Variants in LRFN2 observed in about 807,000 individuals in gnomAD.
The protein encoded by LRFN2 is leucine-rich repeat and fibronectin type-III domain-containing protein 2.
In LRFN2, 18 loss-of-function variants were observed where a neutral mutation model predicts 37.3. The observed-to-expected ratio is 0.48, with a 90% CI of 0.33 to 0.72. The LOEUF (loss-of-function observed/expected upper bound fraction) is 0.72. Among genes scored for constraint, LRFN2 ranks in the 30% least tolerant of loss-of-function variants. LRFN2 has a pLI of 0.02. For synonymous variants in LRFN2, 556 were observed against 466.6 expected (o/e 1.19, Z -2.47); for missense variants, 1,006 against 1,060.7 (o/e 0.95, Z 0.72).
At chr6:40,481,921 T>G (rs1372352236) in intron 1 of LRFN2, among the ~76,000 whole-genome samples, 3 of 152,220 alleles carry the variant, frequency 2.0e-5, no homozygotes, top group Non-Finnish European at 4.4e-5. Context: ...CTGTTCTAAG[T>G]GCTTTACATA....
intron 2 of LRFN2, among the ~76,000 whole-genome samples, chr6:40,393,555 A>C (rs1053044590): frequency 6.6e-6 from 1 of 152,092 alleles, no homozygotes; most frequent in East Asian, 1.9e-4. Context: ...ACAGAGAGGC[A>C]GAGAGGTTAA....
chr6:40,434,538 G>T (rs1051138584), intron 1 of LRFN2, among the ~76,000 whole-genome samples: 1 of 150,456 alleles, frequency 6.6e-6, no homozygotes, highest in South Asian at 2.1e-4. Context: ...GCGCAGTGGC[G>T]CAATCTTGGC....
At chr6:40,456,045 G>A (rs370488190) in intron 1 of LRFN2, among the ~76,000 whole-genome samples, 4 of 152,048 alleles carry the variant, frequency 2.6e-5, no homozygotes, top group African/African-American at 7.2e-5. Flanking sequence ...CTAGGAAGAA[G>A]GAGAGACCCG....
At chr6:40,563,713 A>G (rs1274273508) in intron 1 of LRFN2, among the ~76,000 whole-genome samples, 1 of 152,190 alleles carries the variant, frequency 6.6e-6, no homozygotes, top group African/African-American at 2.4e-5. Flanking sequence ...AAACAAGAAT[A>G]GAAATCAAGG....
At chr6:40,519,301 C>T (rs1162356621) in intron 1 of LRFN2, among the ~76,000 whole-genome samples, 1 of 152,180 alleles carries the variant, frequency 6.6e-6, no homozygotes, top group African/African-American at 2.4e-5. Context: ...AATGACTGGT[C>T]TATATTGATA....
At chr6:40,540,251 C>G (rs1766528041) in intron 1 of LRFN2, among the ~76,000 whole-genome samples, 1 of 152,210 alleles carries the variant, frequency 6.6e-6, no homozygotes. Context: ...AGAACAGGCC[C>G]TAGCACTGTT....
At chr6:40,505,436 C>T (rs976183906) in intron 1 of LRFN2, among the ~76,000 whole-genome samples, 1 of 152,172 alleles carries the variant, frequency 6.6e-6, no homozygotes, top group Non-Finnish European at 1.5e-5. Flanking sequence ...CGCTCCATGA[C>T]GCAGGTTTCT....
chr6:40,430,516 G>A (rs919339272), intron 2 of LRFN2, among the ~76,000 whole-genome samples: 1 of 152,214 alleles, frequency 6.6e-6, no homozygotes, highest in Non-Finnish European at 1.5e-5. Context: ...TACATTCCTT[G>A]AGCGGTAAGG....
At chr6:40,490,192 C>T (rs1765056577) in intron 1 of LRFN2, among the ~76,000 whole-genome samples, 1 of 152,234 alleles carries the variant, frequency 6.6e-6, no homozygotes, top group Admixed American at 6.5e-5. Flanking sequence ...CCAACTAATC[C>T]ACGTTTGCCT....
chr6:40,466,965 T>A (rs897211793), intron 1 of LRFN2, among the ~76,000 whole-genome samples: 1 of 151,938 alleles, frequency 6.6e-6, no homozygotes, highest in African/African-American at 2.4e-5. Flanking sequence ...GGAAAAATCA[T>A]GGGAAGACAG....
Position 40,395,771 on chromosome 6 carries a change from C to G in LRFN2, c.1401-2859G>C, listed in dbSNP as rs569752290. Among the ~76,000 whole-genome samples the G allele has an allele frequency of 3.3e-5, 5 of 152,316 alleles. No homozygotes were observed. The South Asian group carries it at 1.0e-3, about 32-fold the overall frequency. ...GAAACAGAGGTGCAGAAGTGTTATG[C>G]AAAGATAACATGGCAGAGCTGGGAT... On this transcript the variant is annotated intron_variant, in intron 2 of 2. Transcript: ENST00000338305.
At chr6:40,568,603 C>T (rs1561910914) in intron 1 of LRFN2, among the ~76,000 whole-genome samples, 1 of 152,204 alleles carries the variant, frequency 6.6e-6, no homozygotes, top group Non-Finnish European at 1.5e-5. Context: ...AAATTAAAGC[C>T]TACTGTATCC....
chr6:40,433,280 C>T, intron 1 of LRFN2, 149 bp from the exon 2 acceptor site: 1 of 559,950 alleles, frequency 1.8e-6, no homozygotes, highest in South Asian at 4.0e-5. Context: ...TCCATGAATC[C>T]CTCTAATGCA....
chr6:40,515,837 G>T (rs1643101093), intron 1 of LRFN2, among the ~76,000 whole-genome samples: 1 of 146,976 alleles, frequency 6.8e-6, no homozygotes, highest in African/African-American at 2.5e-5. Flanking sequence ...AGGTTGCAGT[G>T]AGCCGAGATC....
chr6:40,585,765 T>TC (rs1285615258), intron 1 of LRFN2, among the ~76,000 whole-genome samples: 1 of 151,288 alleles, frequency 6.6e-6, no homozygotes, highest in East Asian at 1.9e-4. Flanking sequence ...AGCTTCCCCC[T>TC]CCCCCAGTAC....
intron 1 of LRFN2, among the ~76,000 whole-genome samples, chr6:40,464,854 C>T (rs1053734206): frequency 2.6e-5 from 4 of 151,912 alleles, no homozygotes; most frequent in Non-Finnish European, 5.9e-5. Flanking sequence ...TAGGATGACT[C>T]TCAGGTGTAA....
At chr6:40,585,505 G>C (rs866509025) in intron 1 of LRFN2, among the ~76,000 whole-genome samples, 32 of 152,202 alleles carry the variant, frequency 2.1e-4, no homozygotes, top group Middle Eastern at 3.4e-3. Context: ...ACAAGGAAAT[G>C]ACACTACCCT....
At chr6:40,511,339 C>T (rs1765704151) in intron 1 of LRFN2, among the ~76,000 whole-genome samples, 1 of 152,244 alleles carries the variant, frequency 6.6e-6, no homozygotes, top group South Asian at 2.1e-4. Flanking sequence ...TTTTTTGTAT[C>T]CCTAAGAAAG....
In LRFN2 at chr6:40,539,737, T is replaced by C. The variant is rs1301111694; in HGVS notation, c.-19+47204A>G. On this transcript the variant is annotated intron_variant, in intron 1 of 2. Coordinates refer to ENST00000338305, the MANE Select transcript of LRFN2 (RefSeq NM_020737.3). Reference sequence around the variant, plus strand: ...CAACTGGTTGGTTTATATTTGTGTTTAGAGCAAATAAACGGAGATCTAAAC... The same window carrying C: ...CAACTGGTTGGTTTATATTTGTGTTCAGAGCAAATAAACGGAGATCTAAAC... 1.6e-4 allele frequency among the ~76,000 whole-genome samples: 24 copies of C among 152,074 alleles called. 2 individuals are homozygous for C. The highest frequency in any genetic ancestry group is 8.8e-5 in the Non-Finnish European group (6 of 68,004).
Sources: allele counts gnomAD v4.1 joint callset (sites outside exome capture counted in the v4.1 genomes callset), GRCh38; gene constraint gnomAD v4.1.1; transcripts MANE v1.5; gene names NCBI Gene and HGNC (gene_info 2026-07-23, HGNC 2026-07-21).